DIAPH2: variants seen among roughly 807,000 people sequenced by gnomAD.
DIAPH2 encodes the protein protein diaphanous homolog 2.
A neutral mutation model predicts 92.7 loss-of-function variants in DIAPH2; 35 were observed. The ratio of observed to expected loss-of-function variants is 0.38; its 90% CI spans 0.29 to 0.50. DIAPH2 has a LOEUF of 0.50. Among genes scored for constraint, DIAPH2 ranks in the 20% least tolerant of loss-of-function variants. The pLI is 0.94. For synonymous variants in DIAPH2, 301 were observed against 280.4 expected (o/e 1.07, Z -0.73); for missense variants, 701 against 819.5 (o/e 0.86, Z 1.77).
intron 26 of DIAPH2, among the ~76,000 whole-genome samples, chrX:97,456,642 C>T (rs2084675396): frequency 9.0e-6 from 1 of 111,465 alleles, no homozygotes; most frequent in Non-Finnish European, 1.9e-5. Context: ...ATTGCTTCAT[C>T]TGATGTGGAA....
At chrX:96,911,085 G>A (rs1361435645) in intron 5 of DIAPH2, among the ~76,000 whole-genome samples, 1 of 111,674 alleles carries the variant, frequency 9.0e-6, no homozygotes, top group East Asian at 2.8e-4. Context: ...TGGCACATGT[G>A]TCTTAAGGCC....
At chrX:96,829,976 C>T (rs73250750) in intron 4 of DIAPH2, among the ~76,000 whole-genome samples, 1,233 of 106,967 alleles carry the variant, frequency 0.012, 11 homozygotes, top group Middle Eastern at 0.034. Context: ...AAAACTGGAA[C>T]GGAAGTGCAC....
At chrX:97,245,677 T>G (rs2068135596) in intron 22 of DIAPH2, among the ~76,000 whole-genome samples, 1 of 111,175 alleles carries the variant, frequency 9.0e-6, no homozygotes, top group Non-Finnish European at 1.9e-5. Context: ...CCTCCACAAG[T>G]GCTCGGATTA....
At chrX:97,475,020 A>G (rs1180785489) in intron 26 of DIAPH2, among the ~76,000 whole-genome samples, 1 of 109,634 alleles carries the variant, frequency 9.1e-6, no homozygotes, top group Non-Finnish European at 1.9e-5. Context: ...AGTTCTTCTA[A>G]TTAAATATGA....
Position 97,353,872 on chromosome X carries a change from T to C in DIAPH2, c.3009+5592T>C, listed in dbSNP as rs373113363. ...CTCTGTTTCCCAGGCTGGAGTGCAG[T>C]GGTATGATCATAGCTCACTGTATCC... is the stretch of plus-strand genomic sequence containing the variant. On this transcript the variant is annotated intron_variant, in intron 24 of 26. Transcript: ENST00000324765. Among the ~76,000 whole-genome samples the C allele has an allele frequency of 4.5e-4, 50 of 111,447 alleles. No individual in the cohort carries two copies. The East Asian group carries it at 8.1e-3, about 18-fold the overall frequency.
intron 26 of DIAPH2, among the ~76,000 whole-genome samples, chrX:97,589,047 G>A (rs1346964810): frequency 1.8e-5 from 1 of 56,112 alleles, no homozygotes. Flanking sequence ...GATGGTTGCG[G>A]TGGCTCATGC....
chrX:97,356,687 T>C (rs1274538825), intron 24 of DIAPH2, among the ~76,000 whole-genome samples: 2 of 111,232 alleles, frequency 1.8e-5, no homozygotes, highest in African/African-American at 6.5e-5. Flanking sequence ...ATTTCTCTTA[T>C]ATGATTTTTC....
intron 23 of DIAPH2, among the ~76,000 whole-genome samples, chrX:97,343,541 C>A (rs941790511): frequency 9.0e-6 from 1 of 110,812 alleles, no homozygotes; most frequent in African/African-American, 3.3e-5. Context: ...TGGTGGCATG[C>A]GCCTGTAATC....
At chrX:96,740,889 CT>C (rs945611875) in intron 3 of DIAPH2, among the ~76,000 whole-genome samples, 2 of 110,961 alleles carry the variant, frequency 1.8e-5, no homozygotes, top group African/African-American at 6.6e-5. Context: ...AACTATGCCC[CT>C]AGATGCCTTT....
At position 96,775,434 on chromosome X, in the gene DIAPH2, A is replaced by G. The variant is rs144873719; in HGVS notation, c.447+17176A>G. ...GGTGGTGCCTCTTCTATTGATGGTG[A>G]TTGTTATTTTTTTGTTATACAGATG... On this transcript the variant is annotated intron_variant, in intron 4 of 26. Transcript: ENST00000324765. Among the ~76,000 whole-genome samples, 734 of 92,947 alleles carry G rather than the reference A, an allele frequency of 7.9e-3. 6 individuals are homozygous for G. The highest frequency in any genetic ancestry group is 0.028 in the African/African-American group (708 of 25,021). 80.7% of individuals were successfully genotyped at this position (92,947 alleles called of 115,157 possible).
rs2063762359 is a variant in DIAPH2 at position 96,684,867 on chromosome X, G to A, written c.-192G>A. On this transcript the variant is annotated 5_prime_UTR_variant, in exon 1 of 27. Coordinates refer to ENST00000324765, the MANE Select transcript of DIAPH2 (RefSeq NM_006729.5). ...GCCCCAGCGCCGAGTAGTGGCAACGGCGTGGTTGCGTCGGGGGTGCCTGGG... is the reference window on the plus strand; with the variant it reads ...GCCCCAGCGCCGAGTAGTGGCAACGACGTGGTTGCGTCGGGGGTGCCTGGG... 3 of 404,388 alleles carry A rather than the reference G, an allele frequency of 7.4e-6. No homozygotes were observed. In the South Asian group the frequency reaches 4.7e-4, roughly 64 times the overall value. The allele number at this position is 404,388 out of a possible 1,213,427, so 33.3% of individuals were successfully genotyped here. A position where few individuals can be genotyped will look rare whatever the true frequency, so the allele number is the denominator to read the frequency against.
In DIAPH2 at chrX:97,226,040, G is replaced by C. The variant is rs1007173915; in HGVS notation, c.2720-21675G>C. ...ATTAACAGATAAGATGTACTTAGCA[G>C]GATAAGAGACTCAGATCCTTATGGT... On this transcript the variant is annotated intron_variant, in intron 22 of 26. Coordinates refer to ENST00000324765, the MANE Select transcript of DIAPH2 (RefSeq NM_006729.5). Among the ~76,000 whole-genome samples the C allele has an allele frequency of 7.2e-5, 8 of 111,634 alleles. No individual in the cohort carries two copies. The East Asian group carries it at 2.3e-3, about 31-fold the overall frequency.
intron 4 of DIAPH2, among the ~76,000 whole-genome samples, chrX:96,837,408 T>TCTTCCTCCCTCC (rs1569409602): frequency 3.3e-5 from 2 of 60,362 alleles, no homozygotes; most frequent in African/African-American, 5.9e-5. Context: ...TCCCTCCCTC[T>TCTTCCTCCCTCC]CTCTCTCTCT....
intron 22 of DIAPH2, among the ~76,000 whole-genome samples, chrX:97,210,363 A>C (rs898602358): frequency 1.8e-5 from 2 of 111,679 alleles, no homozygotes; most frequent in Non-Finnish European, 3.8e-5. Flanking sequence ...ATCACTTCTT[A>C]ATTAGTATAG....
chrX:97,211,964 A>G (rs1032400481), intron 22 of DIAPH2, among the ~76,000 whole-genome samples: 7 of 111,702 alleles, frequency 6.3e-5, no homozygotes, highest in African/African-American at 2.3e-4. Flanking sequence ...GAAAATCACA[A>G]AACAGATACC....
chrX:97,493,100 C>T (rs777011038), intron 26 of DIAPH2, among the ~76,000 whole-genome samples: 1 of 112,075 alleles, frequency 8.9e-6, no homozygotes, highest in African/African-American at 3.2e-5. Context: ...CTTTTTGCTC[C>T]TCTGGCTACA....
chrX:96,759,807 A>G (rs772183597), intron 4 of DIAPH2, among the ~76,000 whole-genome samples: 6 of 111,751 alleles, frequency 5.4e-5, no homozygotes, highest in Non-Finnish European at 9.5e-5. Context: ...CCTTTTGAGT[A>G]TTACATGATT....
At chrX:97,558,202 A>G (rs2071270310) in intron 26 of DIAPH2, among the ~76,000 whole-genome samples, 1 of 112,163 alleles carries the variant, frequency 8.9e-6, no homozygotes, top group South Asian at 3.7e-4. Flanking sequence ...ACAAAGAAAC[A>G]CATTAAAGTT....
intron 1 of DIAPH2, among the ~76,000 whole-genome samples, chrX:96,719,624 A>G (rs2063977183): frequency 9.0e-6 from 1 of 111,716 alleles, no homozygotes; most frequent in Non-Finnish European, 1.9e-5. Flanking sequence ...TGTGTTCTCT[A>G]TTCCGTTCCA....
Sources: allele counts gnomAD v4.1 joint callset (sites outside exome capture counted in the v4.1 genomes callset), GRCh38; gene constraint gnomAD v4.1.1; transcripts MANE v1.5; gene names NCBI Gene and HGNC (gene_info 2026-07-23, HGNC 2026-07-21).